ADAM7: variants seen among roughly 807,000 people sequenced by gnomAD.
ADAM7 encodes the protein ADAM metallopeptidase domain 7.
A neutral mutation model predicts 102.9 loss-of-function variants in ADAM7; 97 were observed. That is an observed-to-expected ratio of 0.94 (90% CI 0.80 to 1.12). ADAM7 has a LOEUF of 1.12. Among genes scored for constraint, ADAM7 ranks in the 50% most tolerant of loss-of-function variants. ADAM7 has a pLI of 0.00. For synonymous variants in ADAM7, 334 were observed against 304.4 expected, an observed-to-expected ratio of 1.10 and a Z score of -1.01; for missense variants, 991 against 908.7, an observed-to-expected ratio of 1.09 and a Z score of -1.16.
At chr8:24,494,047 A>G (rs1820471754) in intron 16 of ADAM7, among the ~76,000 whole-genome samples, 1 of 152,170 alleles carries the variant, frequency 6.6e-6, no homozygotes, top group Non-Finnish European at 1.5e-5. Flanking sequence ...AAAACACATG[A>G]TATTTTACCC....
At chr8:24,507,676 T>C in intron 21 of ADAM7, 141 bp downstream of exon 21, 1 of 706,952 alleles carries the variant, frequency 1.4e-6, no homozygotes, top group Middle Eastern at 2.5e-4. Context: ...GAATTTTTTT[T>C]TTTTTTTGCT....
At chr8:24,484,770 C>T in intron 9 of ADAM7, among the ~76,000 whole-genome samples, 1 of 141,186 alleles carries the variant, frequency 7.1e-6, no homozygotes, top group African/African-American at 2.6e-5. Context: ...TGTTTTATAC[C>T]TTTCTACAAT....
intron 16 of ADAM7, 33 bp downstream of exon 16, chr8:24,493,262 T>G (rs1173079501): frequency 6.5e-7 from 1 of 1,533,394 alleles, no homozygotes; most frequent in Non-Finnish European, 8.7e-7. Flanking sequence ...TATTAAAACT[T>G]CTTAGTTCAA....
intron 7 of ADAM7, among the ~76,000 whole-genome samples, chr8:24,472,175 T>G (rs1483424072): frequency 6.7e-6 from 1 of 148,668 alleles, no homozygotes; most frequent in Non-Finnish European, 1.5e-5. Context: ...TTTTAGCTCC[T>G]CTCCATCAGA....
chr8:24,487,430 T>C lies in ADAM7; in HGVS notation c.1091+113T>C, dbSNP rs1820180156. On this transcript the variant is annotated intron_variant, in intron 11 of 21. Coordinates refer to ENST00000175238, the MANE Select transcript of ADAM7 (RefSeq NM_003817.4). ...GGGAGGCCGAGGCAGGTGGATCACC[T>C]GAGGTCAGGAGTTCGAGACCAGCCT... 3.0e-5 allele frequency: 40 copies of C among 1,330,518 alleles called. No homozygotes were observed. In the South Asian group the frequency reaches 6.0e-4, roughly 20 times the overall value. 82.4% of individuals were successfully genotyped at this position (1,330,518 alleles called of 1,614,324 possible). A position where few individuals can be genotyped will look rare whatever the true frequency, so the allele number is the denominator to read the frequency against.
At chr8:24,497,055 G>A (rs936302126) in intron 16 of ADAM7, among the ~76,000 whole-genome samples, 1 of 152,174 alleles carries the variant, frequency 6.6e-6, no homozygotes, top group Admixed American at 6.5e-5. Flanking sequence ...AATCATGAGA[G>A]CAGGTCCTTC....
rs751594077 is a variant in ADAM7 at position 24,493,172 on chromosome 8, C to A, written c.1785C>A (p.Tyr595Ter). The change falls in exon 16 of 22, where the codon TAC becomes TAA. Residue 595 changes from tyrosine (Y) to a stop codon, truncating the protein, a stop_gained. Coordinates refer to ENST00000175238, the MANE Select transcript of ADAM7 (RefSeq NM_003817.4). LOFTEE classifies it high-confidence loss of function. The stretch of plus-strand genomic sequence containing the variant: ...TCAAATGCAAAACTATTTTTTTATA[C>A]CATGATTCTACAGACATTGGCCTGG... ...ATVKCKTIFLYHDSTDIGLVA... is the reference protein window; with the variant it reads ...ATVKCKTIFL The A allele has an allele frequency of 1.9e-6, 3 of 1,612,952 alleles. No individual in the cohort carries two copies. The highest frequency in any genetic ancestry group is 8.5e-7 in the Non-Finnish European group (1 of 1,179,502).
intron 7 of ADAM7, among the ~76,000 whole-genome samples, chr8:24,474,164 A>T (rs1819694515): frequency 6.6e-6 from 1 of 152,158 alleles, no homozygotes; most frequent in Admixed American, 6.6e-5. Flanking sequence ...AAAAGATGTA[A>T]CAGTTTTTAC....
intron 3 of ADAM7, among the ~76,000 whole-genome samples, chr8:24,453,298 T>C (rs1173993748): frequency 1.3e-5 from 2 of 152,184 alleles, no homozygotes; most frequent in Non-Finnish European, 2.9e-5. Flanking sequence ...CAATCAGACG[T>C]AGATTTGGTC....
At chr8:24,452,213 T>C (rs980988993) in intron 3 of ADAM7, among the ~76,000 whole-genome samples, 13 of 151,026 alleles carry the variant, frequency 8.6e-5, no homozygotes, top group Admixed American at 3.3e-4. Flanking sequence ...CTTGTTAACT[T>C]TCTGTCTCGT....
chr8:24,469,512 T>G (rs1819536502), intron 7 of ADAM7, among the ~76,000 whole-genome samples: 1 of 152,110 alleles, frequency 6.6e-6, no homozygotes, highest in Non-Finnish European at 1.5e-5. Context: ...ATATAAAAAC[T>G]TATTAGAGAA....
chr8:24,452,750 G>GTA, intron 3 of ADAM7, among the ~76,000 whole-genome samples: 1 of 151,674 alleles, frequency 6.6e-6, no homozygotes, highest in African/African-American at 2.4e-5. Flanking sequence ...TAGCCTCGAT[G>GTA]GTCTTTACAA....
intron 8 of ADAM7, among the ~76,000 whole-genome samples, chr8:24,481,730 T>C (rs1819958530): frequency 6.6e-6 from 1 of 152,194 alleles, no homozygotes; most frequent in African/African-American, 2.4e-5. Context: ...ATACCAACTT[T>C]CTAACCTGCC....
At chr8:24,499,881 T>C (rs73548719) in intron 17 of ADAM7, among the ~76,000 whole-genome samples, 5,434 of 151,860 alleles carry the variant, frequency 0.036, 331 homozygotes, top group African/African-American at 0.12. Flanking sequence ...ATATTTATCA[T>C]ATATATCATA....
At position 24,444,474 on chromosome 8, in the gene ADAM7, G is replaced by A. The variant is rs1346327976; in HGVS notation, c.156+1898G>A. On this transcript the variant is annotated intron_variant, in intron 2 of 21. Coordinates refer to ENST00000175238, the MANE Select transcript of ADAM7 (RefSeq NM_003817.4). ...AGAGTCATTTTACAGAGAGAAAGAT[G>A]AAAACACCACCTCAGCCACGTGATC... is the stretch of plus-strand genomic sequence containing the variant. 5.3e-5 allele frequency among the ~76,000 whole-genome samples: 8 copies of A among 151,736 alleles called. No homozygotes were observed. The East Asian group carries it at 1.2e-3, about 22-fold the overall frequency.
At chr8:24,477,502 C>G (rs984606617) in intron 8 of ADAM7, among the ~76,000 whole-genome samples, 23 of 151,642 alleles carry the variant, frequency 1.5e-4, no homozygotes, top group African/African-American at 5.6e-4. Flanking sequence ...GTTGCTCAAA[C>G]TGTTTCAGTT....
intron 2 of ADAM7, among the ~76,000 whole-genome samples, chr8:24,446,289 T>G (rs997603604): frequency 4.6e-5 from 7 of 152,172 alleles, no homozygotes; most frequent in Admixed American, 4.6e-4. Flanking sequence ...AGGAAAAATA[T>G]TGATGTGAAT....
intron 16 of ADAM7, 66 bp downstream of exon 16, chr8:24,493,295 A>C: frequency 3.6e-6 from 5 of 1,371,050 alleles, no homozygotes; most frequent in Non-Finnish European, 4.9e-6. Context: ...ATTACTGGAT[A>C]CTGTAATTGC....
chr8:24,461,915 G>A (rs1819255564), intron 3 of ADAM7, among the ~76,000 whole-genome samples: 1 of 152,168 alleles, frequency 6.6e-6, no homozygotes, highest in South Asian at 2.1e-4. Flanking sequence ...GCTAAGCATA[G>A]TTATAGTAGC....
Sources: allele counts gnomAD v4.1 joint callset (sites outside exome capture counted in the v4.1 genomes callset), GRCh38; gene constraint gnomAD v4.1.1; transcripts MANE v1.5; gene names NCBI Gene and HGNC (gene_info 2026-07-23, HGNC 2026-07-21).